The following RANBP17 variants were observed in gnomAD, a reference collection of about 807,000 sequenced individuals.
RANBP17 encodes RAN binding protein 17, also known as ran-binding protein 17.
A neutral mutation model predicts 141.2 loss-of-function variants in RANBP17; 158 were observed. The observed-to-expected ratio is 1.12, with a 90% CI of 0.98 to 1.28. The LOEUF is 1.28. Ranked by LOEUF, RANBP17 falls within the 50% of genes most tolerant of loss-of-function variation. RANBP17 has a pLI of 0.00. For missense variants in RANBP17, 1,438 were observed against 1,290.7 expected, an observed-to-expected ratio of 1.11 and a Z score of -1.75; for synonymous variants, 430 against 450.0, an observed-to-expected ratio of 0.96 and a Z score of 0.56.
At chr5:170,944,477 A>G (rs1774593079) in intron 12 of RANBP17, among the ~76,000 whole-genome samples, 1 of 152,216 alleles carries the variant, frequency 6.6e-6, no homozygotes, top group African/African-American at 2.4e-5. Flanking sequence ...CATGTTGGCC[A>G]GGCTGGTCTC....
At chr5:170,870,676 A>G (rs966672938) in intron 1 of RANBP17, among the ~76,000 whole-genome samples, 3 of 152,188 alleles carry the variant, frequency 2.0e-5, no homozygotes, top group African/African-American at 7.2e-5. Flanking sequence ...TGCTGCAGTA[A>G]ACATACATGT....
At chr5:171,007,410 G>A (rs753371109) in intron 14 of RANBP17, among the ~76,000 whole-genome samples, 6 of 152,116 alleles carry the variant, frequency 3.9e-5, no homozygotes, top group Non-Finnish European at 8.8e-5. Context: ...AGAGGCTGAA[G>A]AAGAGTTGGA....
intron 14 of RANBP17, among the ~76,000 whole-genome samples, chr5:171,004,391 T>TA (rs891997029): frequency 2.0e-5 from 3 of 152,004 alleles, no homozygotes; most frequent in Admixed American, 2.0e-4. Context: ...CAGGTGGGGA[T>TA]AAAAAAGAGT....
chr5:170,935,414 G>C (rs1236781839), intron 12 of RANBP17, among the ~76,000 whole-genome samples: 1 of 152,190 alleles, frequency 6.6e-6, no homozygotes, highest in Non-Finnish European at 1.5e-5. Flanking sequence ...CAGCTTTTCT[G>C]CTCTGGTTTC....
chr5:171,133,935 A>C (rs1581705408), intron 14 of RANBP17, among the ~76,000 whole-genome samples: 5 of 152,322 alleles, frequency 3.3e-5, no homozygotes, highest in South Asian at 4.1e-4. Context: ...CTTTATTTGC[A>C]CATTTGGATC....
At chr5:170,881,970 C>A in intron 3 of RANBP17, 74 bp downstream of exon 3, 1 of 899,452 alleles carries the variant, frequency 1.1e-6, no homozygotes, top group East Asian at 2.6e-5. Context: ...TAAACTGTTA[C>A]TAGGATTGCA....
chr5:170,935,241 G>C lies in RANBP17; in HGVS notation c.1468+10691G>C, dbSNP rs1773767180. ...CAAGGGTTTAGCTTCTTTGCAATGGGTTCGAACATCCTCCTTTAGCTTGGT... is the reference window on the plus strand; with the variant it reads ...CAAGGGTTTAGCTTCTTTGCAATGGCTTCGAACATCCTCCTTTAGCTTGGT... On this transcript the variant is annotated intron_variant, in intron 12 of 27. Transcript: ENST00000523189. Among the ~76,000 whole-genome samples the C allele has an allele frequency of 2.6e-5, 4 of 152,156 alleles. 1 individual carries two copies. The highest frequency in any genetic ancestry group is 2.0e-4 in the Admixed American group (3 of 15,282).
At chr5:171,228,183 A>G (rs1763993342) in intron 22 of RANBP17, among the ~76,000 whole-genome samples, 1 of 152,238 alleles carries the variant, frequency 6.6e-6, no homozygotes, top group African/African-American at 2.4e-5. Flanking sequence ...GTAAATTGAA[A>G]GCCTTCCAGA....
chr5:171,152,534 C>CGT (rs1758567749), intron 14 of RANBP17, among the ~76,000 whole-genome samples: 1 of 152,118 alleles, frequency 6.6e-6, no homozygotes, highest in Non-Finnish European at 1.5e-5. Flanking sequence ...GTTCTTCCCA[C>CGT]TTAGAAATCT....
At chr5:171,208,192 C>T (rs978026412) in intron 20 of RANBP17, among the ~76,000 whole-genome samples, 7 of 152,106 alleles carry the variant, frequency 4.6e-5, no homozygotes, top group Non-Finnish European at 7.4e-5. Flanking sequence ...TTATTTATGG[C>T]GATTATTTGA....
chr5:170,988,122 C>G (rs1297159059), intron 14 of RANBP17, among the ~76,000 whole-genome samples: 1 of 151,490 alleles, frequency 6.6e-6, no homozygotes, highest in Non-Finnish European at 1.5e-5. Flanking sequence ...TATTTTTACT[C>G]TATTTTTTCC....
intron 12 of RANBP17, among the ~76,000 whole-genome samples, chr5:170,938,911 A>G (rs1010758922): frequency 6.6e-6 from 1 of 152,206 alleles, no homozygotes; most frequent in Admixed American, 6.5e-5. Flanking sequence ...TTTTGACTTA[A>G]TAGAAGACAT....
chr5:170,905,616 A>G (rs972761453), intron 5 of RANBP17, among the ~76,000 whole-genome samples: 5 of 152,106 alleles, frequency 3.3e-5, no homozygotes, highest in African/African-American at 9.7e-5. Flanking sequence ...TTGTGTGTAC[A>G]TAGGTATCTG....
At chr5:171,089,554 C>T (rs920103031) in intron 14 of RANBP17, among the ~76,000 whole-genome samples, 41 of 151,202 alleles carry the variant, frequency 2.7e-4, no homozygotes, top group African/African-American at 7.5e-4. Context: ...GCCCCTCCCC[C>T]GGCCTCGCTG....
intron 14 of RANBP17, among the ~76,000 whole-genome samples, chr5:171,077,904 A>C (rs570214725): frequency 6.6e-6 from 1 of 152,186 alleles, no homozygotes; most frequent in African/African-American, 2.4e-5. Context: ...TCCTAACTCT[A>C]TTCACTTCTA....
intron 25 of RANBP17, among the ~76,000 whole-genome samples, chr5:171,279,935 C>A (rs534608389): frequency 6.6e-6 from 1 of 152,300 alleles, no homozygotes; most frequent in South Asian, 2.1e-4. Flanking sequence ...CCTACTATTT[C>A]TCTGTGGCAT....
At chr5:171,156,417 G>T (rs1758897412) in intron 14 of RANBP17, among the ~76,000 whole-genome samples, 1 of 152,108 alleles carries the variant, frequency 6.6e-6, no homozygotes, top group African/African-American at 2.4e-5. Flanking sequence ...AATTTATTTA[G>T]ATGTTTTTAA....
intron 14 of RANBP17, among the ~76,000 whole-genome samples, chr5:171,056,978 A>G (rs1783430429): frequency 6.6e-6 from 1 of 152,192 alleles, no homozygotes; most frequent in Non-Finnish European, 1.5e-5. Context: ...TGTTCAAGAA[A>G]GGAAGCTAAC....
intron 4 of RANBP17, among the ~76,000 whole-genome samples, chr5:170,893,354 T>C (rs1769813589): frequency 6.6e-6 from 1 of 152,136 alleles, no homozygotes; most frequent in Non-Finnish European, 1.5e-5. Context: ...CTGAATCTGC[T>C]CTTGTTTCCT....
Sources: gnomAD v4.1 joint callset for allele counts (sites outside exome capture counted in the v4.1 genomes callset) on GRCh38, gnomAD v4.1.1 for gene constraint, MANE v1.5 for transcripts, NCBI Gene and HGNC (gene_info 2026-07-23, HGNC 2026-07-21) for gene names.